Variants in LRRC8D observed in about 807,000 individuals in gnomAD.
LRRC8D encodes volume-regulated anion channel subunit LRRC8D.
A neutral mutation model predicts 55.8 loss-of-function variants in LRRC8D; 20 were observed. The observed-to-expected ratio is 0.36, with a 90% confidence interval of 0.25 to 0.52. The LOEUF (loss-of-function observed/expected upper bound fraction) is 0.52, where lower values mean the gene tolerates loss of function less well. Among genes scored for constraint, LRRC8D ranks in the 20% least tolerant of loss-of-function variants. LRRC8D has a pLI of 0.93. For synonymous variants in LRRC8D, 352 were observed against 377.0 expected, an observed-to-expected ratio of 0.93 and a Z score of 0.77; for missense variants, 651 against 1,030.8, an observed-to-expected ratio of 0.63 and a Z score of 5.05.
intron 1 of LRRC8D, among the ~76,000 whole-genome samples, chr1:89,825,517 A>G (rs565992176): frequency 1.3e-5 from 2 of 152,308 alleles, no homozygotes; most frequent in Non-Finnish European, 2.9e-5. Context: ...AAGATAGGAT[A>G]ACTGGCAAAA....
intron 2 of LRRC8D, among the ~76,000 whole-genome samples, chr1:89,879,371 A>G (rs1353955838): frequency 1.3e-5 from 2 of 152,216 alleles, no homozygotes; most frequent in African/African-American, 4.8e-5. Flanking sequence ...GCAGACCGAC[A>G]TCAGCTCACT....
intron 2 of LRRC8D, among the ~76,000 whole-genome samples, chr1:89,848,056 C>T (rs1322360563): frequency 1.3e-5 from 2 of 152,140 alleles, no homozygotes; most frequent in Admixed American, 6.6e-5. Context: ...TAAAGATTCC[C>T]AGGTGGAATT....
At chr1:89,898,413 C>T (rs879343157) in intron 2 of LRRC8D, among the ~76,000 whole-genome samples, 22 of 152,164 alleles carry the variant, frequency 1.4e-4, no homozygotes, top group African/African-American at 4.6e-4. Context: ...TGCCAATCCT[C>T]GCAAATTCTA....
chr1:89,888,786 A>AT (rs1662487601), intron 2 of LRRC8D, among the ~76,000 whole-genome samples: 1 of 152,234 alleles, frequency 6.6e-6, no homozygotes, highest in Admixed American at 6.5e-5. Context: ...AGTTACTGAA[A>AT]TAGCTCACAG....
intron 2 of LRRC8D, among the ~76,000 whole-genome samples, chr1:89,932,251 A>T (rs187268965): frequency 6.6e-6 from 1 of 152,326 alleles, no homozygotes; most frequent in East Asian, 1.9e-4. Context: ...GTGCTGACTT[A>T]TTCAGCATCA....
At chr1:89,869,753 G>T (rs1175979998) in intron 2 of LRRC8D, among the ~76,000 whole-genome samples, 2 of 152,200 alleles carry the variant, frequency 1.3e-5, no homozygotes, top group Non-Finnish European at 2.9e-5. Context: ...AGACTCAGCA[G>T]ATCTCTCGGC....
intron 1 of LRRC8D, among the ~76,000 whole-genome samples, chr1:89,826,494 C>T (rs1464601674): frequency 6.6e-6 from 1 of 152,076 alleles, no homozygotes; most frequent in African/African-American, 2.4e-5. Context: ...CCTCATGATC[C>T]GCCCGCCTCG....
At chr1:89,865,330 T>TTA (rs34852331) in intron 2 of LRRC8D, among the ~76,000 whole-genome samples, 7,072 of 139,084 alleles carry the variant, frequency 0.051, 174 homozygotes, top group East Asian at 0.099. Flanking sequence ...AAACATGAAA[T>TTA]TATATATATA....
intron 1 of LRRC8D, among the ~76,000 whole-genome samples, chr1:89,828,060 C>T (rs1317692585): frequency 1.3e-5 from 2 of 152,210 alleles, no homozygotes; most frequent in Non-Finnish European, 2.9e-5. Flanking sequence ...TAATGTGCAG[C>T]TCAGCTCAGA....
At chr1:89,897,144 A>G (rs549414262) in intron 2 of LRRC8D, among the ~76,000 whole-genome samples, 3 of 152,354 alleles carry the variant, frequency 2.0e-5, no homozygotes, top group Admixed American at 6.5e-5. Flanking sequence ...TTTGATGATA[A>G]CTATTGATGT....
rs563454188 is a variant in LRRC8D at position 89,875,553 on chromosome 1, TA to T, written c.-3+31772del. ...AACAAAATTAAGCAAGATAAAGAGA[TA>T]GGGCAATGAGAGAAGGGGGTGTTAC... On this transcript the variant is annotated intron_variant, in intron 2 of 2. Coordinates refer to ENST00000337338, the MANE Select transcript of LRRC8D (RefSeq NM_001134479.2). 7.2e-5 allele frequency among the ~76,000 whole-genome samples: 11 copies of T among 152,276 alleles called. No homozygotes were observed. The East Asian group carries it at 2.1e-3, about 29-fold the overall frequency.
chr1:89,850,741 G>GT (rs1371672044), intron 2 of LRRC8D, among the ~76,000 whole-genome samples: 16 of 152,254 alleles, frequency 1.1e-4, no homozygotes, highest in African/African-American at 3.9e-4. Context: ...TGGATACACT[G>GT]TTTTAATTGT....
intron 2 of LRRC8D, among the ~76,000 whole-genome samples, chr1:89,869,651 T>A (rs1475452134): frequency 6.6e-6 from 1 of 151,964 alleles, no homozygotes; most frequent in Non-Finnish European, 1.5e-5. Flanking sequence ...ACAAGACACA[T>A]AATCATCAGA....
chr1:89,843,603 C>G, intron 1 of LRRC8D, 35 bp from the exon 2 acceptor site: 1 of 700,448 alleles, frequency 1.4e-6, no homozygotes, highest in Admixed American at 2.0e-5. Context: ...ACTTGGATCT[C>G]TCTAGCTCTT....
intron 2 of LRRC8D, among the ~76,000 whole-genome samples, chr1:89,896,356 A>G (rs1273950308): frequency 2.0e-5 from 3 of 152,204 alleles, no homozygotes; most frequent in Admixed American, 2.0e-4. Flanking sequence ...ATCATTGCAC[A>G]GAAGGGGAAG....
chr1:89,926,199 T>C (rs1663559867), intron 2 of LRRC8D, among the ~76,000 whole-genome samples: 1 of 152,266 alleles, frequency 6.6e-6, no homozygotes, highest in Non-Finnish European at 1.5e-5. Context: ...TCTGCTATAC[T>C]TTGTGTTAAC....
chr1:89,829,942 T>C (rs1235905285), intron 1 of LRRC8D, among the ~76,000 whole-genome samples: 3 of 152,232 alleles, frequency 2.0e-5, no homozygotes, highest in Non-Finnish European at 4.4e-5. Flanking sequence ...GAATAACTAC[T>C]GTACATAAAC....
intron 2 of LRRC8D, among the ~76,000 whole-genome samples, chr1:89,847,770 G>C (rs1163437503): frequency 1.3e-5 from 2 of 152,140 alleles, no homozygotes; most frequent in African/African-American, 4.8e-5. Context: ...ATCTTAACTG[G>C]TTCACTGTTT....
At position 89,834,993 on chromosome 1, in the gene LRRC8D, T is replaced by C. The variant is rs1176352312; in HGVS notation, c.-147-8645T>C. Among the ~76,000 whole-genome samples the C allele has an allele frequency of 2.6e-5, 4 of 152,250 alleles. No individual in the cohort carries two copies. The East Asian group carries it at 5.8e-4, about 22-fold the overall frequency. ...TTGCCTTTGAATAAAGGTTATTCCA[T>C]TGAAGGTTCTTGAGAAGGGAAATAA... is the stretch of plus-strand genomic sequence containing the variant. On this transcript the variant is annotated intron_variant, in intron 1 of 2. Coordinates refer to ENST00000337338, the MANE Select transcript of LRRC8D (RefSeq NM_001134479.2).
Sources: gnomAD v4.1 joint callset for allele counts (sites outside exome capture counted in the v4.1 genomes callset) on GRCh38, gnomAD v4.1.1 for gene constraint, MANE v1.5 for transcripts, NCBI Gene and HGNC (gene_info 2026-07-23, HGNC 2026-07-21) for gene names.